The following PTDSS2 variants were observed in gnomAD, a reference collection of about 807,000 sequenced individuals.
PTDSS2 encodes PSS-2.
Under a neutral mutation model 64.7 loss-of-function variants are expected in PTDSS2, and 41 were observed. That is an observed-to-expected ratio of 0.63 (90% CI 0.49 to 0.82). The LOEUF (loss-of-function observed/expected upper bound fraction) is 0.82. Ranked by LOEUF, PTDSS2 falls within the 40% of genes least tolerant of loss-of-function variation. The pLI, the probability that PTDSS2 is intolerant of heterozygous loss-of-function variation, is 0.00. For synonymous variants in PTDSS2, 297 were observed against 277.8 expected (o/e 1.07, Z -0.69); for missense variants, 485 against 650.0 (o/e 0.75, Z 2.76).
Position 450,452 on chromosome 11 carries a change from C to A in PTDSS2, c.-4C>A, listed in dbSNP as rs1487268778. 17 of 1,226,816 alleles carry A rather than the reference C, an allele frequency of 1.4e-5. No homozygotes were observed. The highest frequency in any genetic ancestry group is 4.3e-5 in the Admixed American group (1 of 23,380). The allele number at this position is 1,226,816 out of a possible 1,614,324, so 76.0% of individuals were successfully genotyped here. On this transcript the variant is annotated 5_prime_UTR_variant, in exon 1 of 12. Coordinates refer to ENST00000308020, the MANE Select transcript of PTDSS2 (RefSeq NM_030783.3). ...CGGGCGGAGTGGCTCCGGGCCGAAA[C>A]GCCATGCGGAGGGGCGAGCGCAGGG...
chr11:484,436 A>G (rs566929025), intron 4 of PTDSS2, among the ~76,000 whole-genome samples: 1 of 152,392 alleles, frequency 6.6e-6, no homozygotes, highest in Admixed American at 6.5e-5. Flanking sequence ...CCTGGGTGCC[A>G]TAGCTCACAG....
Position 459,389 on chromosome 11 carries a change from G to A in PTDSS2, c.183-798G>A, listed in dbSNP as rs534780413. On this transcript the variant is annotated intron_variant, in intron 1 of 11. Transcript: ENST00000308020. ...TTAGACGTGAGGACACACTCTGGTG[G>A]ATGTAGGACCTGGGTTAGACATGAG... 5.9e-5 allele frequency: 9 copies of A among 151,490 alleles called. 1 individual carries two copies. Among genetic ancestry groups the A allele is most frequent in the African/African-American group, 2.3e-4 (9 of 39,864 alleles). 9.4% of individuals were successfully genotyped at this position (151,490 alleles called of 1,614,324 possible). A position where few individuals can be genotyped will look rare whatever the true frequency, so the allele number is the denominator to read the frequency against.
At position 451,012 on chromosome 11, in the gene PTDSS2, C is replaced by A. The variant is rs73385819; in HGVS notation, c.182+375C>A. 3.4e-3 allele frequency among the ~76,000 whole-genome samples: 525 copies of A among 152,188 alleles called. 2 individuals are homozygous for A. Among genetic ancestry groups the A allele is most frequent in the African/African-American group, 0.012 (505 of 41,516 alleles). On this transcript the variant is annotated intron_variant, in intron 1 of 11. Coordinates refer to ENST00000308020, the MANE Select transcript of PTDSS2 (RefSeq NM_030783.3). ...GTCACCCCAGAAACGCTTTCTCTGT[C>A]CTGCTGTCGAAGCTTCACCTGTGTC... is the stretch of plus-strand genomic sequence containing the variant.
chr11:488,150 G>T (rs1848487626), intron 6 of PTDSS2, 49 bp from the exon 7 acceptor site: 1 of 1,398,574 alleles, frequency 7.2e-7, no homozygotes, highest in Non-Finnish European at 1.0e-6. Flanking sequence ...CGTGGGCAGG[G>T]CCGGGTGTGG....
rs773047737 is a variant in PTDSS2 at position 486,977 on chromosome 11, C to T, written c.474C>T (p.Asp158=). The change falls in exon 5 of 12, where the codon GAC becomes GAT. Residue 158 remains aspartate, a synonymous_variant. Coordinates refer to ENST00000308020, the MANE Select transcript of PTDSS2 (RefSeq NM_030783.3). ...QDGRQFLKYV[D]PKLGVPLPER... ...GCCGGCAGTTTCTAAAGTATGTTGA[C>T]CCCAAGCTGGGAGTCCCACTGCCAG... is the stretch of plus-strand genomic sequence containing the variant. 1.2e-6 allele frequency: 2 copies of T among 1,613,274 alleles called. No individual in the cohort carries two copies. Among genetic ancestry groups the T allele is most frequent in the African/African-American group, 2.7e-5 (2 of 75,072 alleles).
Position 460,404 on chromosome 11 carries a change from T to A in PTDSS2, c.284+116T>A. On this transcript the variant is annotated intron_variant, in intron 2 of 11. Transcript: ENST00000308020. The surrounding 1 kb of genome is among the most constrained non-coding windows in gnomAD (Gnocchi z 5.8). ...AGAAGGCCTTCACCAGAGGGCTGCG[T>A]GGGGCCGCCGGCCTCTCCCTTGAGT... The A allele has an allele frequency of 1.3e-6, 1 of 784,976 alleles. No homozygotes were observed. The highest frequency in any genetic ancestry group is 2.1e-6 in the Non-Finnish European group (1 of 466,088). The allele number at this position is 784,976 out of a possible 1,614,324, so 48.6% of individuals were successfully genotyped here.
At chr11:451,189 C>CT (rs1413648357) in intron 1 of PTDSS2, among the ~76,000 whole-genome samples, 2 of 152,204 alleles carry the variant, frequency 1.3e-5, no homozygotes, top group Non-Finnish European at 2.9e-5. Context: ...AATCCAGGCT[C>CT]TGTTTCTCTC....
At position 460,350 on chromosome 11, in the gene PTDSS2, A is replaced by G; in HGVS notation, c.284+62A>G. Reference sequence around the variant, plus strand: ...CTGTGCCCCGTGTGGTGGGTGTGGCACCCTTACTGCTCGGGCTGCCGGGGG... The same window carrying G: ...CTGTGCCCCGTGTGGTGGGTGTGGCGCCCTTACTGCTCGGGCTGCCGGGGG... On this transcript the variant is annotated intron_variant, in intron 2 of 11. Coordinates refer to ENST00000308020, the MANE Select transcript of PTDSS2 (RefSeq NM_030783.3). This position sits in a 1 kb window ranked among gnomAD's most constrained non-coding sequence, Gnocchi z 5.8. The G allele has an allele frequency of 2.8e-6, 4 of 1,406,060 alleles. No homozygotes were observed. The highest frequency in any genetic ancestry group is 3.0e-6 in the Non-Finnish European group (3 of 997,406). 87.1% of individuals were successfully genotyped at this position (1,406,060 alleles called of 1,614,324 possible).
At chr11:484,942 CGT>C (rs1214753198) in intron 4 of PTDSS2, among the ~76,000 whole-genome samples, 9 of 135,126 alleles carry the variant, frequency 6.7e-5, no homozygotes, top group South Asian at 2.4e-4. Context: ...TGCACGGGCG[CGT>C]GTGTGCTCAC....
chr11:486,847 CA>C lies in PTDSS2; in HGVS notation c.436-85del, dbSNP rs200305770. On this transcript the variant is annotated intron_variant, in intron 4 of 11. Transcript: ENST00000308020. ...TGGGCGACAGAGCGAGACTCCATCT[CA>C]AAAAAATAAAATAAATAAACAACCA... 91 of 1,387,426 alleles carry C rather than the reference CA, an allele frequency of 6.6e-5. 2 individuals are homozygous for C. In the South Asian group the frequency reaches 7.1e-4, roughly 11 times the overall value. The allele number at this position is 1,387,426 out of a possible 1,614,324, so 85.9% of individuals were successfully genotyped here. A position where few individuals can be genotyped will look rare whatever the true frequency, so the allele number is the denominator to read the frequency against.
chr11:456,101 A>T (rs1446792457), intron 1 of PTDSS2, among the ~76,000 whole-genome samples: 1 of 150,908 alleles, frequency 6.6e-6, no homozygotes, highest in African/African-American at 2.4e-5. Flanking sequence ...GGCTGTCATC[A>T]CGTCGTTGGC....
At position 461,964 on chromosome 11, in the gene PTDSS2, T is replaced by A. The variant is rs2133772600; in HGVS notation, c.284+1676T>A. Among the ~76,000 whole-genome samples, 1 of 152,256 alleles carries A rather than the reference T, an allele frequency of 6.6e-6. No individual in the cohort carries two copies. Among genetic ancestry groups the A allele is most frequent in the Middle Eastern group, 3.4e-3 (1 of 294 alleles). ...ACTTGGTCTTTCTTGAATTCATCCATCAGCACCTGGCTAGGAGGGTCTGTG... is the reference window on the plus strand; with the variant it reads ...ACTTGGTCTTTCTTGAATTCATCCAACAGCACCTGGCTAGGAGGGTCTGTG... On this transcript the variant is annotated intron_variant, in intron 2 of 11. Transcript: ENST00000308020. The surrounding 1 kb of genome is among the most constrained non-coding windows in gnomAD (Gnocchi z 4.2).
At chr11:488,163 G>A (rs753724219) in intron 6 of PTDSS2, 36 bp from the exon 7 acceptor site, 27 of 1,490,986 alleles carry the variant, frequency 1.8e-5, no homozygotes, top group Middle Eastern at 1.7e-4. Context: ...GGGTGTGGCC[G>A]GCGTCCCATA....
chr11:453,001 G>C (rs899874842), intron 1 of PTDSS2, among the ~76,000 whole-genome samples: 3 of 152,132 alleles, frequency 2.0e-5, no homozygotes, highest in Admixed American at 6.5e-5. Flanking sequence ...AGATTGCTGA[G>C]ATTACAGGCA....
intron 1 of PTDSS2, among the ~76,000 whole-genome samples, chr11:455,012 G>A (rs1846521140): frequency 6.6e-6 from 1 of 151,664 alleles, no homozygotes. Flanking sequence ...GGGGCCGAGT[G>A]CAGCCTCCTC....
chr11:481,071 G>A (rs1011421490), intron 4 of PTDSS2, among the ~76,000 whole-genome samples: 4 of 149,692 alleles, frequency 2.7e-5, no homozygotes, highest in Admixed American at 6.6e-5. Flanking sequence ...GCAACAGAGC[G>A]AGACTCCGCC....
chr11:490,743 C>T lies in PTDSS2; in HGVS notation c.*161C>T. 2 of 672,788 alleles carry T rather than the reference C, an allele frequency of 3.0e-6. No individual in the cohort carries two copies. The highest frequency in any genetic ancestry group is 5.0e-6 in the Non-Finnish European group (2 of 403,010). The allele number at this position is 672,788 out of a possible 1,614,324, so 41.7% of individuals were successfully genotyped here. On this transcript the variant is annotated 3_prime_UTR_variant, in exon 12 of 12. Transcript: ENST00000308020. ...CTGAAGGCGAGGGGTGGAGGAGGCC[C>T]CAGCACAGCCTCATCTCCATGTGTA...
chr11:489,322 G>A, intron 8 of PTDSS2, 78 bp from the exon 9 acceptor site: 1 of 1,258,828 alleles, frequency 7.9e-7, no homozygotes, highest in African/African-American at 1.5e-5. Flanking sequence ...GGGTGACCAG[G>A]AACAGTCTGT....
chr11:476,274 G>A lies in PTDSS2; in HGVS notation c.367+2297G>A, dbSNP rs4963135. 0.36 allele frequency among the ~76,000 whole-genome samples: 54,216 copies of A among 152,048 alleles called. 10,117 individuals are homozygous for A. Among genetic ancestry groups the A allele is most frequent in the African/African-American group, 0.47 (19,577 of 41,450 alleles). On this transcript the variant is annotated intron_variant, in intron 3 of 11. Transcript: ENST00000308020. This position sits in a 1 kb window ranked among gnomAD's most constrained non-coding sequence, Gnocchi z 4.9. ...GGTTTGGATTCCTCAGCAGAGCCGT[G>A]GAAGGTGCAGTGATGGTGAGAAACT...
Sources: allele counts gnomAD v4.1 joint callset (sites outside exome capture counted in the v4.1 genomes callset), GRCh38; gene constraint gnomAD v4.1.1; non-coding constraint Gnocchi (gnomAD v3.1); transcripts MANE v1.5; gene names NCBI Gene and HGNC (gene_info 2026-07-23, HGNC 2026-07-21).